Variants in APLP2 observed in about 807,000 individuals in gnomAD.
APLP2 encodes amyloid beta precursor like protein 2.
In APLP2, 53 loss-of-function variants were observed where a neutral mutation model predicts 89.9. The ratio of observed to expected loss-of-function variants is 0.59; its 90% CI spans 0.47 to 0.74. The LOEUF (loss-of-function observed/expected upper bound fraction) is 0.74. Among genes scored for constraint, APLP2 ranks in the 30% least tolerant of loss-of-function variants. The pLI is 0.00. For synonymous variants in APLP2, 372 were observed against 348.6 expected (o/e 1.07, Z -0.75); for missense variants, 973 against 975.9 (o/e 1.00, Z 0.04).
chr11:130,075,691 C>G (rs1437967341), intron 1 of APLP2, among the ~76,000 whole-genome samples: 5 of 152,186 alleles, frequency 3.3e-5, no homozygotes, highest in Admixed American at 2.6e-4. Context: ...GTATTCTTAT[C>G]CCTACCTAAA....
rs113679698 is a variant in APLP2 at position 130,143,740 on chromosome 11, C to G, written c.*292C>G. On this transcript the variant is annotated 3_prime_UTR_variant, in exon 17 of 17. Coordinates refer to ENST00000338167, the MANE Select transcript of APLP2 (RefSeq NM_001142276.2). ...TTTAAATTAATCAGAAACCCCACTT[C>G]CATTGTATTGTCTGACACATGCTCT... 1.4e-3 allele frequency: 452 copies of G among 323,170 alleles called. 1 individual carries two copies. The highest frequency in any genetic ancestry group is 9.1e-3 in the African/African-American group (429 of 47,272). 20.0% of individuals were successfully genotyped at this position (323,170 alleles called of 1,614,324 possible).
rs543974514 is a variant in APLP2 at position 130,143,356 on chromosome 11, A to T, written c.2164A>T (p.Met722Leu). 2.5e-6 allele frequency: 4 copies of T among 1,613,916 alleles called. No individual in the cohort carries two copies. The highest frequency in any genetic ancestry group is 2.2e-5 in the East Asian group (1 of 44,876). ...GGTTTTGTTCTTCCAGGTTGATCCA[A>T]TGCTCACCCCAGAAGAGCGTCACCT... The part of the protein sequence containing the change: ...ISHGIVEVDP[M>L]LTPEERHLNK... The change falls in exon 17 of 17, where the codon ATG becomes TTG. Residue 722 changes from methionine to leucine, a missense_variant. Physicochemically the swap from Met to Leu is conservative, Grantham distance 15 (BLOSUM62 2). Coordinates refer to ENST00000338167, the MANE Select transcript of APLP2 (RefSeq NM_001142276.2).
chr11:130,079,547 T>C (rs116310472), intron 1 of APLP2, among the ~76,000 whole-genome samples: 3,882 of 152,294 alleles, frequency 0.025, 150 homozygotes, highest in African/African-American at 0.088. Flanking sequence ...TTAAGATTTT[T>C]TGTTGTTGGT....
At chr11:130,071,356 A>T (rs775555110) in intron 1 of APLP2, among the ~76,000 whole-genome samples, 1 of 152,226 alleles carries the variant, frequency 6.6e-6, no homozygotes, top group Non-Finnish European at 1.5e-5. Flanking sequence ...CTGTGAGGGT[A>T]AGAAAGGAGT....
intron 1 of APLP2, among the ~76,000 whole-genome samples, chr11:130,103,543 C>G (rs1381057592): frequency 6.6e-6 from 1 of 152,070 alleles, no homozygotes; most frequent in Non-Finnish European, 1.5e-5. Flanking sequence ...ATGCACTTAG[C>G]GCTGATGTGT....
intron 1 of APLP2, among the ~76,000 whole-genome samples, chr11:130,103,223 C>A (rs1947170374): frequency 1.3e-5 from 2 of 152,194 alleles, no homozygotes; most frequent in Non-Finnish European, 2.9e-5. Context: ...GCCTTTTACA[C>A]CCTAGGTAGG....
chr11:130,074,167 A>G (rs1043177584), intron 1 of APLP2, among the ~76,000 whole-genome samples: 1 of 152,090 alleles, frequency 6.6e-6, no homozygotes, highest in African/African-American at 2.4e-5. Flanking sequence ...TGTTGACCCA[A>G]TCATGTTCTT....
At chr11:130,074,846 G>A (rs1012970069) in intron 1 of APLP2, among the ~76,000 whole-genome samples, 18 of 152,182 alleles carry the variant, frequency 1.2e-4, no homozygotes, top group Admixed American at 3.9e-4. Context: ...AATGTTTTCC[G>A]TGTGACAAAA....
intron 13 of APLP2, chr11:130,138,895 A>C (rs1372526625): frequency 6.6e-6 from 1 of 151,818 alleles, no homozygotes; most frequent in African/African-American, 2.4e-5. Flanking sequence ...CACTGTATCC[A>C]GTGACAGTAG....
At chr11:130,105,524 C>T (rs576010059) in intron 1 of APLP2, among the ~76,000 whole-genome samples, 2 of 152,208 alleles carry the variant, frequency 1.3e-5, no homozygotes, top group South Asian at 4.1e-4. Flanking sequence ...TATAATCTAA[C>T]CCTCCTCCTC....
rs113249891 is a variant in APLP2, at chr11:130,098,275, C to T, written c.106-11154C>T. On this transcript the variant is annotated intron_variant, in intron 1 of 16. Coordinates refer to ENST00000338167, the MANE Select transcript of APLP2 (RefSeq NM_001142276.2). ...CAAAAATTAGCCGGGTGTGGTGGCA[C>T]GTGCCTGTAATCCCAGCTACTTGGG... Among the ~76,000 whole-genome samples the T allele has an allele frequency of 4.3e-3, 651 of 152,046 alleles. 5 individuals are homozygous for T. Among genetic ancestry groups the T allele is most frequent in the African/African-American group, 0.015 (613 of 41,492 alleles).
intron 9 of APLP2, 113 bp from the exon 10 acceptor site, chr11:130,128,935 C>T: frequency 8.4e-7 from 1 of 1,197,062 alleles, no homozygotes; most frequent in Non-Finnish European, 1.2e-6. Context: ...CTCTCCGAAC[C>T]TGTTACTGTC....
intron 1 of APLP2, among the ~76,000 whole-genome samples, chr11:130,075,007 G>A (rs550003493): frequency 2.0e-5 from 3 of 152,144 alleles, no homozygotes; most frequent in African/African-American, 2.4e-5. Context: ...TTAGTGTATT[G>A]TACCTTGATT....
At chr11:130,134,354 A>G (rs560066596) in intron 12 of APLP2, among the ~76,000 whole-genome samples, 11 of 152,322 alleles carry the variant, frequency 7.2e-5, no homozygotes, top group Non-Finnish European at 1.3e-4. Flanking sequence ...GTAAGATCAC[A>G]GCGGGAGAGC....
At chr11:130,070,258 G>T (rs1450769183) in intron 1 of APLP2, among the ~76,000 whole-genome samples, 176 bp downstream of exon 1, 1 of 151,068 alleles carries the variant, frequency 6.6e-6, no homozygotes, top group East Asian at 1.9e-4. Context: ...GCAGTGCTTA[G>T]CGCTGGAGGT....
chr11:130,076,729 G>GCT (rs1313474378), intron 1 of APLP2, among the ~76,000 whole-genome samples: 1 of 152,186 alleles, frequency 6.6e-6, no homozygotes, highest in Non-Finnish European at 1.5e-5. Flanking sequence ...CAGGGGACAT[G>GCT]CTCTGATAGG....
At chr11:130,094,076 G>A (rs1319851198) in intron 1 of APLP2, among the ~76,000 whole-genome samples, 3 of 122,946 alleles carry the variant, frequency 2.4e-5, no homozygotes, top group Non-Finnish European at 3.3e-5. Context: ...TTTTTGAGAC[G>A]GAGTTTCTCT....
At chr11:130,102,679 C>G (rs1021114100) in intron 1 of APLP2, among the ~76,000 whole-genome samples, 1 of 152,150 alleles carries the variant, frequency 6.6e-6, no homozygotes, top group Admixed American at 6.5e-5. Context: ...AGTTGCATCA[C>G]TTGAGGTGAT....
rs751385229 is a variant in APLP2, at chr11:130,129,231, TG to T, written c.1455+26del. 25 of 1,597,238 alleles carry T rather than the reference TG, an allele frequency of 1.6e-5. No homozygotes were observed. The African/African-American group carries it at 2.9e-4, about 19-fold the overall frequency. ...GGTGAGTCCTGCCCCTAGCACTGCC[TG>T]CCCTGAGGTGGTATATGTAGGGGAC... On this transcript the variant is annotated intron_variant, in intron 10 of 16. Coordinates refer to ENST00000338167, the MANE Select transcript of APLP2 (RefSeq NM_001142276.2).
Sources: allele counts gnomAD v4.1 joint callset (sites outside exome capture counted in the v4.1 genomes callset), GRCh38; gene constraint gnomAD v4.1.1; transcripts MANE v1.5; gene names NCBI Gene and HGNC (gene_info 2026-07-23, HGNC 2026-07-21).